STN1: variants seen among roughly 807,000 people sequenced by gnomAD.
The protein encoded by STN1 is CST complex subunit STN1.
A neutral mutation model predicts 45.5 loss-of-function variants in STN1; 29 were observed. The ratio of observed to expected loss-of-function variants is 0.64; its 90% CI spans 0.47 to 0.87. STN1 has a LOEUF of 0.87. Ranked by LOEUF, STN1 falls within the 40% of genes least tolerant of loss-of-function variation. The pLI, the probability that STN1 is intolerant of heterozygous loss-of-function variation, is 0.00. For synonymous variants in STN1, 148 were observed against 159.0 expected, an observed-to-expected ratio of 0.93 and a Z score of 0.52; for missense variants, 376 against 441.4, an observed-to-expected ratio of 0.85 and a Z score of 1.33.
intron 3 of STN1, among the ~76,000 whole-genome samples, chr10:103,908,237 C>G (rs1843256422): frequency 6.6e-6 from 1 of 151,998 alleles, no homozygotes; most frequent in African/African-American, 2.4e-5. Context: ...GAGTTGCTAC[C>G]AAGTGTTCTG....
At position 103,889,130 on chromosome 10, in the gene STN1, G is replaced by C; in HGVS notation, c.891C>G (p.Asp297Glu). The change falls in exon 9 of 10, where the codon GAC becomes GAG. Residue 297 changes from aspartate to glutamate, a missense_variant. Asp to Glu is a conservative substitution (Grantham distance 45, BLOSUM62 2). Transcript: ENST00000224950. ...FDNLYYVTRE[D>E]KDLHRKIHRI... ...GGTGGATCTTTCTGTGCAGGTCTTT[G>C]TCTTCTCTGGTTACCTAAATAGGAA... 1 of 1,612,596 alleles carries C rather than the reference G, an allele frequency of 6.2e-7. No individual in the cohort carries two copies. Among genetic ancestry groups the C allele is most frequent in the Non-Finnish European group, 8.5e-7 (1 of 1,178,640 alleles).
chr10:103,895,122 G>C (rs1843162879), intron 7 of STN1, among the ~76,000 whole-genome samples: 1 of 152,150 alleles, frequency 6.6e-6, no homozygotes, highest in Admixed American at 6.6e-5. Context: ...TCCCCAACCA[G>C]AGCAATGTGA....
rs1437781341 is a variant in STN1, at chr10:103,882,411, G to A, written c.*273C>T. 5 of 356,378 alleles carry A rather than the reference G, an allele frequency of 1.4e-5. No individual in the cohort carries two copies. Among genetic ancestry groups the A allele is most frequent in the Non-Finnish European group, 1.5e-5 (3 of 194,702 alleles). 22.1% of individuals were successfully genotyped at this position (356,378 alleles called of 1,614,324 possible). A position where few individuals can be genotyped will look rare whatever the true frequency, so the allele number is the denominator to read the frequency against. On this transcript the variant is annotated 3_prime_UTR_variant, in exon 10 of 10. Coordinates refer to ENST00000224950, the MANE Select transcript of STN1 (RefSeq NM_024928.5). ...CTGTTTCCTCCCCATTCTGCTCTGC[G>A]AACAACGCACAGTCCAGCCAGGAGC... is the stretch of plus-strand genomic sequence containing the variant.
chr10:103,899,030 A>C, intron 5 of STN1, 30 bp from the exon 6 acceptor site: 1 of 1,611,754 alleles, frequency 6.2e-7, no homozygotes, highest in South Asian at 1.1e-5. Context: ...AAGATGCTAC[A>C]GAAATTACAA....
Position 103,914,377 on chromosome 10 carries a change from T to TA in STN1, c.133+3084_133+3085insT, listed in dbSNP as rs1439715847. 1.1e-4 allele frequency among the ~76,000 whole-genome samples: 15 copies of TA among 132,206 alleles called. 1 individual carries two copies. The highest frequency in any genetic ancestry group is 4.4e-4 in the African/African-American group (15 of 33,734). 86.7% of individuals were successfully genotyped at this position (132,206 alleles called of 152,430 possible). A position where few individuals can be genotyped will look rare whatever the true frequency, so the allele number is the denominator to read the frequency against. ...ATATATATATATATATATATATATT[T>TA]TTTTTTTTTTTTTTTGAGACAGGGT... On this transcript the variant is annotated intron_variant, in intron 2 of 9. Coordinates refer to ENST00000224950, the MANE Select transcript of STN1 (RefSeq NM_024928.5).
chr10:103,889,233 GT>G (rs979367201), intron 8 of STN1, 89 bp from the exon 9 acceptor site: 32 of 822,112 alleles, frequency 3.9e-5, no homozygotes, highest in Non-Finnish European at 6.7e-5. Context: ...ATTCAGGATA[GT>G]TTCTAAAGAT....
At position 103,897,614 on chromosome 10, in the gene STN1, C is replaced by T. The variant is rs141654773; in HGVS notation, c.687G>A (p.Leu229=). Residue 229 remains leucine (L), a synonymous_variant, in exon 7 of 10, where the codon CTG becomes CTA. Transcript: ENST00000224950. ...GGGACAGCAAAGACTCCACCATTTC[C>T]AGCTCCTGCTGGTAAAAGCTCTGCA... ...NRVQSFYQQE[L]EMVESLLSLA... 308 of 1,614,178 alleles carry T rather than the reference C, an allele frequency of 1.9e-4. No homozygotes were observed. Among genetic ancestry groups the T allele is most frequent in the Middle Eastern group, 3.3e-4 (2 of 6,060 alleles).
At chr10:103,906,004 A>T (rs189718960) in intron 3 of STN1, among the ~76,000 whole-genome samples, 116 of 151,808 alleles carry the variant, frequency 7.6e-4, no homozygotes, top group Admixed American at 3.1e-3. Context: ...CTCTAAATTT[A>T]AAAAAAAATC....
chr10:103,890,896 C>A (rs949844468), intron 8 of STN1, among the ~76,000 whole-genome samples: 1 of 152,184 alleles, frequency 6.6e-6, no homozygotes, highest in Admixed American at 6.5e-5. Flanking sequence ...CTGCACATAA[C>A]GGAGTCCACA....
rs1843043170 is a variant in STN1, at chr10:103,878,214, C to T, written c.*4470G>A. The T allele has an allele frequency of 6.6e-6, 1 of 152,234 alleles. No individual in the cohort carries two copies. The highest frequency in any genetic ancestry group is 2.4e-5 in the African/African-American group (1 of 41,460). 9.4% of individuals were successfully genotyped at this position (152,234 alleles called of 1,614,324 possible). ...TTTGTCTTCTTGCCTACACAAGCTA[C>T]ATGTGGGGTTCACACCTCCTGAAAC... is the stretch of plus-strand genomic sequence containing the variant. On this transcript the variant is annotated 3_prime_UTR_variant, in exon 10 of 10. Transcript: ENST00000224950.
chr10:103,912,362 A>G (rs940904523), intron 2 of STN1, among the ~76,000 whole-genome samples: 33 of 152,192 alleles, frequency 2.2e-4, no homozygotes, highest in African/African-American at 8.0e-4. Flanking sequence ...AGCCAGTTCC[A>G]ACTGGCTTCT....
At chr10:103,884,220 G>A (rs2134355353) in intron 9 of STN1, among the ~76,000 whole-genome samples, 1 of 150,970 alleles carries the variant, frequency 6.6e-6, no homozygotes, top group East Asian at 2.0e-4. Flanking sequence ...CTCTCTGCTT[G>A]TATTAATTTT....
At chr10:103,916,347 T>C (rs1427241209) in intron 2 of STN1, among the ~76,000 whole-genome samples, 1 of 152,164 alleles carries the variant, frequency 6.6e-6, no homozygotes, top group African/African-American at 2.4e-5. Context: ...CCTGAAGAGA[T>C]GAGCTATGAA....
rs1235204407 is a variant in STN1, at chr10:103,914,361, TATATA to T, written c.133+3096_133+3100del. Among the ~76,000 whole-genome samples, 202 of 34,796 alleles carry T rather than the reference TATATA, an allele frequency of 5.8e-3. 10 individuals are homozygous for T. Among genetic ancestry groups the T allele is most frequent in the Middle Eastern group, 0.022 (1 of 46 alleles). 22.8% of individuals were successfully genotyped at this position (34,796 alleles called of 152,430 possible). A position where few individuals can be genotyped will look rare whatever the true frequency, so the allele number is the denominator to read the frequency against. ...ATATATATATATATATATATATATA[TATATA>T]TATATATATTTTTTTTTTTTTTTTT... On this transcript the variant is annotated intron_variant, in intron 2 of 9. Transcript: ENST00000224950.
At chr10:103,912,555 C>G (rs1353006170) in intron 2 of STN1, among the ~76,000 whole-genome samples, 1 of 152,180 alleles carries the variant, frequency 6.6e-6, no homozygotes. Context: ...AAACTTTAAA[C>G]TAGGAAAATG....
chr10:103,911,144 A>T (rs139393059), intron 2 of STN1, among the ~76,000 whole-genome samples: 221 of 152,080 alleles, frequency 1.5e-3, no homozygotes, highest in African/African-American at 5.2e-3. Context: ...CCAGGTTACA[A>T]CCCCAAAACT....
At position 103,879,409 on chromosome 10, in the gene STN1, T is replaced by C. The variant is rs1786802222; in HGVS notation, c.*3275A>G. On this transcript the variant is annotated 3_prime_UTR_variant, in exon 10 of 10. Coordinates refer to ENST00000224950, the MANE Select transcript of STN1 (RefSeq NM_024928.5). The stretch of plus-strand genomic sequence containing the variant: ...GAGTTCTGGGAAGGGGGACAGGAGA[T>C]GGGTTGCAAACAGCGAAAGAGGAAT... 6.6e-6 allele frequency: 1 copy of C among 152,292 alleles called. No individual in the cohort carries two copies. The highest frequency in any genetic ancestry group is 1.5e-5 in the Non-Finnish European group (1 of 68,230). The allele number at this position is 152,292 out of a possible 1,614,324, so 9.4% of individuals were successfully genotyped here. A position where few individuals can be genotyped will look rare whatever the true frequency, so the allele number is the denominator to read the frequency against.
intron 9 of STN1, among the ~76,000 whole-genome samples, chr10:103,886,435 G>A (rs1287083995): frequency 1.3e-5 from 2 of 151,162 alleles, no homozygotes; most frequent in Non-Finnish European, 2.9e-5. Context: ...TATTTTCAGA[G>A]TAAAAAGTTA....
intron 4 of STN1, 95 bp downstream of exon 4, chr10:103,904,996 T>A (rs572397414): frequency 9.6e-7 from 1 of 1,041,232 alleles, no homozygotes; most frequent in East Asian, 2.4e-5. Context: ...AGCAGATAAA[T>A]GTGAAAATTT....
Sources: allele counts gnomAD v4.1 joint callset (sites outside exome capture counted in the v4.1 genomes callset), GRCh38; gene constraint gnomAD v4.1.1; transcripts MANE v1.5; gene names NCBI Gene and HGNC (gene_info 2026-07-23, HGNC 2026-07-21).